SDK2: variants seen among roughly 807,000 people sequenced by gnomAD.
The protein encoded by SDK2 is protein sidekick-2.
In SDK2, 105 loss-of-function variants were observed where a neutral mutation model predicts 253.9. The observed-to-expected ratio is 0.41, with a 90% CI of 0.35 to 0.49. The LOEUF is 0.49. Among genes scored for constraint, SDK2 ranks in the 20% least tolerant of loss-of-function variants. The probability of loss-of-function intolerance (pLI) is 0.06; values close to 1 mark genes in which losing one functional copy is unlikely to be tolerated. For synonymous variants in SDK2, 1,249 were observed against 1,234.9 expected (o/e 1.01, Z -0.24); for missense variants, 2,608 against 3,003.0 (o/e 0.87, Z 3.07).
chr17:73,560,669 A>C (rs1181616461), intron 1 of SDK2, among the ~76,000 whole-genome samples: 1 of 151,090 alleles, frequency 6.6e-6, no homozygotes, highest in Non-Finnish European at 1.5e-5. Flanking sequence ...GGAACATGGA[A>C]CATTTCAGAG....
chr17:73,603,130 AGTGTCACATGTCCCCT>A (rs1282264625), intron 1 of SDK2, among the ~76,000 whole-genome samples: 8 of 152,196 alleles, frequency 5.3e-5, no homozygotes, highest in African/African-American at 1.9e-4. Context: ...GTCTGCAGAC[AGTGTCACATGTCCCCT>A]GGAGGGCAAT....
At chr17:73,355,176 T>TATATATATA (rs1568363071) in intron 40 of SDK2, among the ~76,000 whole-genome samples, 3 of 5,788 alleles carry the variant, frequency 5.2e-4, no homozygotes, top group African/African-American at 1.4e-3. Context: ...ATATATATAT[T>TATATATATA]TTTTTTTTTT....
At chr17:73,528,814 C>T (rs982347319) in intron 1 of SDK2, among the ~76,000 whole-genome samples, 3 of 152,186 alleles carry the variant, frequency 2.0e-5, no homozygotes, top group South Asian at 2.1e-4. Flanking sequence ...GTGAGAGGAG[C>T]GTCCCCTGGC....
chr17:73,507,459 G>T lies in SDK2; in HGVS notation c.203C>A (p.Thr68Asn). Residue 68 changes from threonine to asparagine, a missense_variant, in exon 2 of 45, where the codon ACC (threonine) becomes AAC (asparagine). Transcript: ENST00000392650. ...TTACCTGTATTCCAGGGAGAACTTGGTCAGCTCCCTGTTGTTGTGGAGCCA... is the reference window on the plus strand; with the variant it reads ...TTACCTGTATTCCAGGGAGAACTTGTTCAGCTCCCTGTTGTTGTGGAGCCA... ...FKWLHNNREL[T>N]KFSLEYRYMI... The T allele has an allele frequency of 6.4e-7, 1 of 1,551,430 alleles. No homozygotes were observed. The highest frequency in any genetic ancestry group is 8.7e-7 in the Non-Finnish European group (1 of 1,146,864).
chr17:73,423,839 G>T, intron 13 of SDK2, 77 bp downstream of exon 13: 1 of 1,261,256 alleles, frequency 7.9e-7, no homozygotes, highest in South Asian at 1.4e-5. Context: ...CTGAAAAAAG[G>T]GACTCGGCTG....
intron 1 of SDK2, among the ~76,000 whole-genome samples, chr17:73,590,792 C>T (rs2045670708): frequency 6.6e-6 from 1 of 152,218 alleles, no homozygotes; most frequent in Admixed American, 6.5e-5. Flanking sequence ...GTTAAGTGGC[C>T]ATGCTATGTA....
intron 18 of SDK2, among the ~76,000 whole-genome samples, chr17:73,403,127 T>C (rs1229761071): frequency 2.0e-5 from 3 of 152,132 alleles, no homozygotes; most frequent in Non-Finnish European, 2.9e-5. Context: ...ATGAGGAAAC[T>C]GAGGCTCAAA....
chr17:73,356,618 G>C (rs1020635552), intron 40 of SDK2, among the ~76,000 whole-genome samples: 1 of 152,184 alleles, frequency 6.6e-6, no homozygotes, highest in African/African-American at 2.4e-5. Flanking sequence ...ATGGAGGGGA[G>C]AGATGCTCAC....
chr17:73,430,532 T>C lies in SDK2; in HGVS notation c.1562A>G (p.His521Arg). ...GTACCTGATGGTTACTCGGGGGTCG[T>C]GGGTCACTCCGCACACCATGGAGGC... Reference protein sequence around the residue: ...TQASMVCGVTHDPRVTIRYIW... With the variant: ...TQASMVCGVTRDPRVTIRYIW... The change falls in exon 12 of 45, where the codon CAC (histidine) becomes CGC (arginine). Residue 521 changes from histidine to arginine, a missense_variant. Physicochemically the swap from His to Arg is conservative, Grantham distance 29. Coordinates refer to ENST00000392650, the MANE Select transcript of SDK2 (RefSeq NM_001144952.2). 1.2e-6 allele frequency: 2 copies of C among 1,609,042 alleles called. No homozygotes were observed. The highest frequency in any genetic ancestry group is 1.1e-5 in the South Asian group (1 of 90,276).
At chr17:73,394,173 T>C in intron 26 of SDK2, 36 bp downstream of exon 26, 1 of 1,354,148 alleles carries the variant, frequency 7.4e-7, no homozygotes, top group Non-Finnish European at 1.0e-6. Context: ...GAGGGGCCAG[T>C]GTAGGGACCC....
chr17:73,503,653 T>G (rs1302120012), intron 2 of SDK2, among the ~76,000 whole-genome samples: 1 of 152,200 alleles, frequency 6.6e-6, no homozygotes. Context: ...CACCACTCTT[T>G]TCCCTTCTTA....
chr17:73,551,109 C>G (rs1599671163), intron 1 of SDK2, among the ~76,000 whole-genome samples: 1 of 152,184 alleles, frequency 6.6e-6, no homozygotes, highest in Admixed American at 6.5e-5. Context: ...TGAGAGGTCA[C>G]AGCCCACGAA....
intron 44 of SDK2, among the ~76,000 whole-genome samples, chr17:73,347,187 C>A (rs2062492012): frequency 6.6e-6 from 1 of 152,088 alleles, no homozygotes; most frequent in Non-Finnish European, 1.5e-5. Flanking sequence ...ATAGTGAAAC[C>A]CCATCTCTAC....
rs2063842310 is a variant in SDK2 at position 73,496,457 on chromosome 17, C to T, written c.224+10981G>A. 6.6e-6 allele frequency among the ~76,000 whole-genome samples: 1 copy of T among 151,960 alleles called. No individual in the cohort carries two copies. The highest frequency in any genetic ancestry group is 1.5e-5 in the Non-Finnish European group (1 of 68,010). ...GGTAGAGGTGGAGGACAGAGGTGGG[C>T]ATGGGCACGAGGGCATGAAAGAGCA... On this transcript the variant is annotated intron_variant, in intron 2 of 44. Transcript: ENST00000392650. This position sits in a 1 kb window ranked among gnomAD's most constrained non-coding sequence, Gnocchi z 4.7.
chr17:73,395,438 C>T lies in SDK2; in HGVS notation c.3355-46G>A, dbSNP rs2062963704. ...CAAAGCTGCTATGAGCCAGGCCCCC[C>T]ACTGTGCAGGGAGGAACTGCCCTGC... On this transcript the variant is annotated intron_variant, in intron 24 of 44. Transcript: ENST00000392650. This position sits in a 1 kb window ranked among gnomAD's most constrained non-coding sequence, Gnocchi z 4.3. 5.2e-6 allele frequency: 8 copies of T among 1,535,388 alleles called. No individual in the cohort carries two copies. The highest frequency in any genetic ancestry group is 7.2e-6 in the Non-Finnish European group (8 of 1,111,028).
At chr17:73,473,437 A>G (rs2063665943) in intron 2 of SDK2, among the ~76,000 whole-genome samples, 2 of 152,094 alleles carry the variant, frequency 1.3e-5, no homozygotes, top group African/African-American at 4.8e-5. Context: ...GGGATGTCCT[A>G]GGATGCCTCT....
Position 73,348,632 on chromosome 17 carries a change from C to T in SDK2, c.6132G>A (p.Leu2044=), listed in dbSNP as rs914292062. Residue 2044 remains leucine (L), a synonymous_variant, in exon 44 of 45, where the codon CTG becomes CTA. Coordinates refer to ENST00000392650, the MANE Select transcript of SDK2 (RefSeq NM_001144952.2). ...CGGAGATTTCTGAGGGCTTCTCCGT[C>T]AGGCTGCTGCTCTCTGCAGGGATGA... ...NDLIPAESSS[L]TEKPSEISDS... is the part of the protein sequence containing the mutation. 1.2e-6 allele frequency: 2 copies of T among 1,613,034 alleles called. No individual in the cohort carries two copies. The highest frequency in any genetic ancestry group is 2.7e-5 in the African/African-American group (2 of 74,944).
chr17:73,560,636 G>T (rs929466464), intron 1 of SDK2, among the ~76,000 whole-genome samples: 2 of 152,254 alleles, frequency 1.3e-5, no homozygotes, highest in Non-Finnish European at 2.9e-5. Context: ...CACCTCGCCT[G>T]GCCTCATTAA....
chr17:73,353,700 A>T (rs1192000453), intron 40 of SDK2, among the ~76,000 whole-genome samples: 12 of 97,212 alleles, frequency 1.2e-4, no homozygotes, highest in East Asian at 2.9e-4. Flanking sequence ...TGCCTGGCCA[A>T]TTTTTTTTTT....
Sources: gnomAD v4.1 joint callset for allele counts (sites outside exome capture counted in the v4.1 genomes callset) on GRCh38, gnomAD v4.1.1 for gene constraint, Gnocchi (gnomAD v3.1) non-coding constraint, MANE v1.5 for transcripts, NCBI Gene and HGNC (gene_info 2026-07-23, HGNC 2026-07-21) for gene names.